The following ACAD11 variants were observed in gnomAD, a reference collection of about 807,000 sequenced individuals.
ACAD11 encodes acyl-CoA dehydrogenase family member 11.
In ACAD11, 83 loss-of-function variants were observed where a neutral mutation model predicts 102.2. The ratio of observed to expected loss-of-function variants is 0.81; its 90% CI spans 0.68 to 0.97. ACAD11 has a LOEUF of 0.97. Ranked by LOEUF, ACAD11 falls within the 50% of genes least tolerant of loss-of-function variation. The pLI, the probability that ACAD11 is intolerant of heterozygous loss-of-function variation, is 0.00. For synonymous variants in ACAD11, 324 were observed against 319.8 expected, an observed-to-expected ratio of 1.01 and a Z score of -0.14; for missense variants, 901 against 951.7, an observed-to-expected ratio of 0.95 and a Z score of 0.70.
intron 13 of ACAD11, among the ~76,000 whole-genome samples, chr3:132,591,242 C>A (rs1938063626): frequency 6.6e-6 from 1 of 152,198 alleles, no homozygotes; most frequent in African/African-American, 2.4e-5. Flanking sequence ...GTTATCCCAG[C>A]ACTATCTATA....
At chr3:132,610,934 A>C (rs1939107984) in intron 11 of ACAD11, among the ~76,000 whole-genome samples, 1 of 152,206 alleles carries the variant, frequency 6.6e-6, no homozygotes, top group South Asian at 2.1e-4. Flanking sequence ...AGAGAATTTT[A>C]GACCAATATC....
chr3:132,613,840 A>G (rs140364531), intron 11 of ACAD11, among the ~76,000 whole-genome samples: 2,004 of 152,126 alleles, frequency 0.013, 73 homozygotes, highest in African/African-American at 0.045. Context: ...CGGAGGTTGC[A>G]GTGAGCCAAG....
At chr3:132,600,747 C>G (rs374837439) in intron 13 of ACAD11, 38 of 1,613,850 alleles carry the variant, frequency 2.4e-5, no homozygotes, top group Non-Finnish European at 3.2e-5. Flanking sequence ...ATAACTTCAG[C>G]CTTGTACACA....
At chr3:132,580,198 C>T (rs1468625643) in intron 13 of ACAD11, among the ~76,000 whole-genome samples, 14 of 151,888 alleles carry the variant, frequency 9.2e-5, no homozygotes, top group East Asian at 1.9e-4. Context: ...AACAAATGAT[C>T]GGATTCTTTT....
intron 4 of ACAD11, 31 bp downstream of exon 4, chr3:132,641,941 A>T (rs767363827): frequency 6.4e-7 from 1 of 1,551,038 alleles, no homozygotes; most frequent in South Asian, 1.2e-5. Flanking sequence ...CAAGAACTTG[A>T]AAAAAATAGC....
At chr3:132,656,305 T>C (rs993849679) in intron 1 of ACAD11, among the ~76,000 whole-genome samples, 1 of 152,188 alleles carries the variant, frequency 6.6e-6, no homozygotes, top group Non-Finnish European at 1.5e-5. Context: ...ATTGTCCCCT[T>C]ATACTGTAGT....
intron 1 of ACAD11, among the ~76,000 whole-genome samples, chr3:132,647,994 T>C (rs1441938010): frequency 6.6e-6 from 1 of 152,188 alleles, no homozygotes; most frequent in Non-Finnish European, 1.5e-5. Context: ...ACTGTACTCA[T>C]GATCTAATCA....
At chr3:132,581,316 G>A (rs1451941698) in intron 13 of ACAD11, among the ~76,000 whole-genome samples, 1 of 151,942 alleles carries the variant, frequency 6.6e-6, no homozygotes, top group African/African-American at 2.4e-5. Context: ...AGATCTCAGA[G>A]AATTTAACTA....
chr3:132,613,091 C>G (rs532385135), intron 11 of ACAD11, among the ~76,000 whole-genome samples: 1 of 151,998 alleles, frequency 6.6e-6, no homozygotes, highest in Non-Finnish European at 1.5e-5. Flanking sequence ...ATGGATAAAG[C>G]TGGAAACCAT....
At chr3:132,637,707 T>G (rs928030350) in intron 5 of ACAD11, among the ~76,000 whole-genome samples, 1 of 152,178 alleles carries the variant, frequency 6.6e-6, no homozygotes, top group Non-Finnish European at 1.5e-5. Context: ...AGTGAGCCTA[T>G]TGTGCTACTG....
intron 3 of ACAD11, 41 bp from the exon 4 acceptor site, chr3:132,642,174 T>C (rs759309515): frequency 3.1e-5 from 48 of 1,541,310 alleles, no homozygotes; most frequent in Non-Finnish European, 4.2e-5. Context: ...ATGTGTATAA[T>C]CAATACTTTG....
chr3:132,630,632 G>A (rs951099188), intron 6 of ACAD11, 74 bp from the exon 7 acceptor site: 1 of 1,348,312 alleles, frequency 7.4e-7, no homozygotes, highest in African/African-American at 1.5e-5. Context: ...ATGAGACTGA[G>A]ACGCATATGT....
chr3:132,607,657 C>T (rs1388419532), intron 11 of ACAD11, among the ~76,000 whole-genome samples: 1 of 152,094 alleles, frequency 6.6e-6, no homozygotes, highest in African/African-American at 2.4e-5. Context: ...GACTGGTGTA[C>T]CTGAAAATGA....
chr3:132,581,513 G>A (rs1028862836), intron 13 of ACAD11, among the ~76,000 whole-genome samples: 2 of 151,786 alleles, frequency 1.3e-5, no homozygotes, highest in African/African-American at 4.8e-5. Context: ...AAATACTAAA[G>A]TCTTCAAGAG....
chr3:132,632,710 G>A lies in ACAD11; in HGVS notation c.703-1231C>T, dbSNP rs992031655. ...CAATATTGATTCTTCCTATCCATGA[G>A]CATGGAATGTTCTTCCATTTGTTTG... On this transcript the variant is annotated intron_variant, in intron 5 of 19. Coordinates refer to ENST00000264990, the MANE Select transcript of ACAD11 (RefSeq NM_032169.5). Among the ~76,000 whole-genome samples the A allele has an allele frequency of 2.6e-5, 4 of 152,126 alleles. No individual in the cohort carries two copies. In the South Asian group the frequency reaches 6.2e-4, roughly 24 times the overall value.
intron 13 of ACAD11, among the ~76,000 whole-genome samples, chr3:132,586,274 A>G (rs1422863536): frequency 6.6e-6 from 1 of 152,182 alleles, no homozygotes; most frequent in Non-Finnish European, 1.5e-5. Context: ...TCTCACTCAT[A>G]GGTGGGAATT....
intron 13 of ACAD11, among the ~76,000 whole-genome samples, chr3:132,585,954 C>T (rs1180904982): frequency 6.6e-6 from 1 of 151,738 alleles, no homozygotes; most frequent in African/African-American, 2.4e-5. Context: ...GGATCTAGAA[C>T]TAGAAATACC....
rs190949988 is a variant in ACAD11 at position 132,605,167 on chromosome 3, C to T, written c.1453G>A (p.Glu485Lys). ...NMEVLHLYGS[E>K]EQKKQWLEPL... ...TCAAGCCACTGTTTCTTCTGTTCCT[C>T]ACTTCCATACAGGTGCAGAACCTCC... The change falls in exon 12 of 20, where the codon GAG (glutamate) becomes AAG (lysine). Residue 485 changes from glutamate to lysine, a missense_variant. By Grantham distance (56) the Glu-to-Lys change is moderately conservative (BLOSUM62 1). Coordinates refer to ENST00000264990, the MANE Select transcript of ACAD11 (RefSeq NM_032169.5). 4.5e-5 allele frequency: 72 copies of T among 1,613,534 alleles called. 1 individual carries two copies. Among genetic ancestry groups the T allele is most frequent in the Admixed American group, 8.3e-5 (5 of 60,032 alleles).
intron 12 of ACAD11, among the ~76,000 whole-genome samples, chr3:132,603,970 A>C (rs1320293587): frequency 6.6e-6 from 1 of 152,206 alleles, no homozygotes; most frequent in African/African-American, 2.4e-5. Flanking sequence ...TCTAAAACTT[A>C]AGACTTATTT....
Sources: gnomAD v4.1 joint callset for allele counts (sites outside exome capture counted in the v4.1 genomes callset) on GRCh38, gnomAD v4.1.1 for gene constraint, MANE v1.5 for transcripts, NCBI Gene and HGNC (gene_info 2026-07-23, HGNC 2026-07-21) for gene names.